Variants in DIAPH2 observed in about 807,000 individuals in gnomAD.
The protein encoded by DIAPH2 is protein diaphanous homolog 2.
Under a neutral mutation model 92.7 loss-of-function variants are expected in DIAPH2, and 35 were observed. That is an observed-to-expected ratio of 0.38 (90% CI 0.29 to 0.50). The LOEUF (loss-of-function observed/expected upper bound fraction) is 0.50, where lower values mean the gene tolerates loss of function less well. Among genes scored for constraint, DIAPH2 ranks in the 20% least tolerant of loss-of-function variants. The pLI is 0.94. For missense variants in DIAPH2, 701 were observed against 819.5 expected, an observed-to-expected ratio of 0.86 and a Z score of 1.77; for synonymous variants, 301 against 280.4, an observed-to-expected ratio of 1.07 and a Z score of -0.73.
chrX:97,181,053 C>A (rs12014439), intron 22 of DIAPH2, among the ~76,000 whole-genome samples: 1 of 109,700 alleles, frequency 9.1e-6, no homozygotes, highest in Non-Finnish European at 1.9e-5. Flanking sequence ...ATGTCAATGG[C>A]AGTTTTGTTG....
chrX:97,464,257 C>T (rs770730234), intron 26 of DIAPH2, among the ~76,000 whole-genome samples: 82 of 86,641 alleles, frequency 9.5e-4, no homozygotes, highest in African/African-American at 3.5e-3. Context: ...AAGGTCAGAT[C>T]GAGACCATCC....
At chrX:97,251,262 A>C (rs1428385213) in intron 23 of DIAPH2, among the ~76,000 whole-genome samples, 2 of 111,809 alleles carry the variant, frequency 1.8e-5, no homozygotes, top group African/African-American at 6.5e-5. Context: ...ACAGGGAAAA[A>C]CCATGTATTT....
intron 26 of DIAPH2, among the ~76,000 whole-genome samples, chrX:97,594,073 T>C (rs1357636984): frequency 9.0e-6 from 1 of 111,605 alleles, no homozygotes; most frequent in Non-Finnish European, 1.9e-5. Context: ...ATATGGCATA[T>C]GTAAAGATGT....
chrX:97,245,021 G>A (rs191500202), intron 22 of DIAPH2, among the ~76,000 whole-genome samples: 222 of 110,441 alleles, frequency 2.0e-3, no homozygotes, highest in South Asian at 3.2e-3. Context: ...CCAGGGAATC[G>A]GAGGTTGCAG....
intron 26 of DIAPH2, among the ~76,000 whole-genome samples, chrX:97,588,004 G>C (rs903441480): frequency 1.8e-5 from 2 of 111,702 alleles, no homozygotes; most frequent in Admixed American, 1.9e-4. Flanking sequence ...ACGCTAAATT[G>C]TGACTATCCA....
intron 4 of DIAPH2, among the ~76,000 whole-genome samples, chrX:96,806,646 C>CAAAAAAAAA (rs1234663626): frequency 1.4e-3 from 48 of 34,407 alleles, no homozygotes; most frequent in Admixed American, 2.6e-3. Context: ...AACTCCATCT[C>CAAAAAAAAA]AAAAAAAAAA....
intron 17 of DIAPH2, among the ~76,000 whole-genome samples, chrX:97,063,791 G>T (rs2147904607): frequency 8.9e-6 from 1 of 112,329 alleles, no homozygotes; most frequent in African/African-American, 3.2e-5. Context: ...GAAGGAAGGG[G>T]ATAAGGAATC....
chrX:97,440,841 T>C (rs749961719), intron 26 of DIAPH2, among the ~76,000 whole-genome samples: 1 of 109,214 alleles, frequency 9.2e-6, no homozygotes, highest in Non-Finnish European at 1.9e-5. Context: ...GATGTAAGGG[T>C]AGGAGGGGGG....
At chrX:97,494,270 G>A (rs2070744085) in intron 26 of DIAPH2, among the ~76,000 whole-genome samples, 2 of 109,330 alleles carry the variant, frequency 1.8e-5, no homozygotes, top group Middle Eastern at 4.7e-3. Flanking sequence ...AGTGAGCTGA[G>A]ATTGTGCTGC....
chrX:97,222,494 A>AT (rs1267279918), intron 22 of DIAPH2, among the ~76,000 whole-genome samples: 1 of 111,794 alleles, frequency 8.9e-6, no homozygotes, highest in Non-Finnish European at 1.9e-5. Flanking sequence ...ATGAGCCACC[A>AT]TGCCTGGCCC....
At chrX:97,163,200 C>T (rs55843944) in intron 22 of DIAPH2, among the ~76,000 whole-genome samples, 2,472 of 110,387 alleles carry the variant, frequency 0.022, 28 homozygotes, top group Middle Eastern at 0.046. Flanking sequence ...GACAGGGTCT[C>T]GCTCTGCCAC....
At chrX:96,978,600 T>A (rs1400790907) in intron 17 of DIAPH2, among the ~76,000 whole-genome samples, 1 of 110,892 alleles carries the variant, frequency 9.0e-6, no homozygotes, top group Non-Finnish European at 1.9e-5. Context: ...ATGACTATTA[T>A]GTTGAAAGAA....
At chrX:96,930,573 A>G (rs2065612874) in intron 9 of DIAPH2, among the ~76,000 whole-genome samples, 160 bp from the exon 10 acceptor site, 1 of 111,923 alleles carries the variant, frequency 8.9e-6, no homozygotes. Flanking sequence ...CGTTAATTTT[A>G]TTGTTTATAA....
At chrX:97,112,761 CTTTCTTT>C (rs1310252667) in intron 20 of DIAPH2, among the ~76,000 whole-genome samples, 157 of 67,351 alleles carry the variant, frequency 2.3e-3, no homozygotes, top group Non-Finnish European at 3.1e-3. Flanking sequence ...CTTTCCCTTT[CTTTCTTT>C]TTTTTTTTTT....
intron 25 of DIAPH2, among the ~76,000 whole-genome samples, chrX:97,426,651 A>G (rs1030661543): frequency 1.4e-4 from 16 of 110,995 alleles, no homozygotes; most frequent in African/African-American, 5.2e-4. Context: ...CTGTCTAACA[A>G]GTCTTTCTAA....
At chrX:97,028,490 C>T (rs891715157) in intron 17 of DIAPH2, among the ~76,000 whole-genome samples, 1 of 111,989 alleles carries the variant, frequency 8.9e-6, no homozygotes, top group African/African-American at 3.2e-5. Context: ...CTGTCAATCA[C>T]TAACCTATTT....
At chrX:96,883,250 C>T (rs1351999345) in intron 5 of DIAPH2, among the ~76,000 whole-genome samples, 1 of 111,105 alleles carries the variant, frequency 9.0e-6, no homozygotes, top group Non-Finnish European at 1.9e-5. Context: ...CAGAAAATTA[C>T]AATTTTAAAA....
Position 96,758,216 on chromosome X carries a change from A to G in DIAPH2, c.405A>G (p.Lys135=). ...TACGAAACAAAGACTTTACCACCAA[A>G]CGTGAGATGGTTGTCCAGTATATTT... ...APLRNKDFTT[K]REMVVQYISA... The change falls in exon 4 of 27, where the codon AAA becomes AAG. Residue 135 remains lysine, a synonymous_variant. Coordinates refer to ENST00000324765, the MANE Select transcript of DIAPH2 (RefSeq NM_006729.5). 1 of 1,205,235 alleles carries G rather than the reference A, an allele frequency of 8.3e-7. No homozygotes were observed. Among genetic ancestry groups the G allele is most frequent in the Non-Finnish European group, 1.1e-6 (1 of 893,156 alleles).
intron 4 of DIAPH2, among the ~76,000 whole-genome samples, chrX:96,830,390 T>C (rs1269406540): frequency 1.9e-5 from 2 of 107,871 alleles, no homozygotes; most frequent in Admixed American, 9.9e-5. Flanking sequence ...GCTAACATGG[T>C]GAAACCCCGT....
Sources: allele counts gnomAD v4.1 joint callset (sites outside exome capture counted in the v4.1 genomes callset), GRCh38; gene constraint gnomAD v4.1.1; transcripts MANE v1.5; gene names NCBI Gene and HGNC (gene_info 2026-07-23, HGNC 2026-07-21).